Variants in FAM111B observed in about 807,000 individuals in gnomAD.
FAM111B encodes FAM111 trypsin like peptidase B, also known as serine protease FAM111B.
FAM111B carries 1 observed loss-of-function variant against 2.8 expected under a neutral mutation model. The observed-to-expected ratio is 0.36, with a 90% CI of 0.13 to 1.70. FAM111B has a LOEUF of 1.70. FAM111B is among the 40% of genes most tolerant of loss of function. The pLI is 0.35. For missense variants in FAM111B, 882 were observed against 878.9 expected, an observed-to-expected ratio of 1.00 and a Z score of -0.04; for synonymous variants, 297 against 295.6, an observed-to-expected ratio of 1.00 and a Z score of -0.05.
Position 59,108,691 on chromosome 11 carries a change from C to A in FAM111B, c.-108C>A, listed in dbSNP as rs886222027. ...AGGGGGAAATCCAGTCCCTGTTACT[C>A]CATTTTGGCCAGAAATTCAAGGTAA... On this transcript the variant is annotated 5_prime_UTR_variant, in exon 2 of 4. Transcript: ENST00000343597. The A allele has an allele frequency of 6.6e-6, 1 of 152,478 alleles. No individual in the cohort carries two copies. Among genetic ancestry groups the A allele is most frequent in the Non-Finnish European group, 1.5e-5 (1 of 68,256 alleles). The allele number at this position is 152,478 out of a possible 1,614,324, so 9.4% of individuals were successfully genotyped here. A position where few individuals can be genotyped will look rare whatever the true frequency, so the allele number is the denominator to read the frequency against.
chr11:59,110,610 G>T (rs1430410731), intron 3 of FAM111B, among the ~76,000 whole-genome samples: 4 of 152,126 alleles, frequency 2.6e-5, no homozygotes, highest in Non-Finnish European at 4.4e-5. Context: ...TAGGTTGATG[G>T]CATAGATTGT....
intron 3 of FAM111B, among the ~76,000 whole-genome samples, chr11:59,118,177 C>G (rs181459262): frequency 1.3e-5 from 2 of 152,194 alleles, no homozygotes; most frequent in African/African-American, 2.4e-5. Flanking sequence ...AAGGAGGAGC[C>G]TCTGATCCTT....
rs1236701257 is a variant in FAM111B at position 59,126,104 on chromosome 11, T to A, written c.2007T>A (p.Leu669=). 2 of 1,613,542 alleles carry A rather than the reference T, an allele frequency of 1.2e-6. No homozygotes were observed. Among genetic ancestry groups the A allele is most frequent in the South Asian group, 1.1e-5 (1 of 91,002 alleles). The part of the protein sequence containing the change: ...GKLVALHTFG[L]FYQRGFNVHA... ...TGGTTGCTTTGCATACCTTTGGGCTTTTTTATCAACGAGGATTTAATGTGC... is the reference window on the plus strand; with the variant it reads ...TGGTTGCTTTGCATACCTTTGGGCTATTTTATCAACGAGGATTTAATGTGC... The change falls in exon 4 of 4, where the codon CTT becomes CTA. Residue 669 remains leucine (L), a synonymous_variant. Transcript: ENST00000343597.
chr11:59,110,678 A>G (rs2135395404), intron 3 of FAM111B, among the ~76,000 whole-genome samples: 1 of 152,324 alleles, frequency 6.6e-6, no homozygotes, highest in East Asian at 1.9e-4. Context: ...TACATTAATT[A>G]TGCATTTTGT....
In FAM111B at chr11:59,108,662, T is replaced by C. The variant is rs901650899; in HGVS notation, c.-131-6T>C. On this transcript the variant is annotated splice_polypyrimidine_tract_variant and splice_region_variant and intron_variant, in intron 1 of 3. Transcript: ENST00000343597. The stretch of plus-strand genomic sequence containing the variant: ...TCTTTTTTGTTTTGTTTTGTTTTCA[T>C]ACTAGGGGGAAATCCAGTCCCTGTT... 2 of 152,810 alleles carry C rather than the reference T, an allele frequency of 1.3e-5. No individual in the cohort carries two copies. The highest frequency in any genetic ancestry group is 2.4e-5 in the African/African-American group (1 of 41,466). The allele number at this position is 152,810 out of a possible 1,614,324, so 9.5% of individuals were successfully genotyped here.
At position 59,126,068 on chromosome 11, in the gene FAM111B, A is replaced by G. The variant is rs753344023; in HGVS notation, c.1971A>G (p.Ala657=). The change falls in exon 4 of 4, where the codon GCA becomes GCG. Residue 657 remains alanine (A), a synonymous_variant. Transcript: ENST00000343597. ...CCTCAGGCTCCCCAGTGTTTAATGC[A>G]TCTGGCAAATTGGTTGCTTTGCATA... is the stretch of plus-strand genomic sequence containing the variant. ...DGSSGSPVFN[A]SGKLVALHTF... 3.3e-5 allele frequency: 54 copies of G among 1,613,736 alleles called. No homozygotes were observed. Among genetic ancestry groups the G allele is most frequent in the South Asian group, 1.9e-4 (17 of 91,066 alleles).
chr11:59,121,760 A>C (rs1859926272), intron 3 of FAM111B, among the ~76,000 whole-genome samples: 1 of 152,242 alleles, frequency 6.6e-6, no homozygotes, highest in Non-Finnish European at 1.5e-5. Context: ...AACCCCAGAA[A>C]TAACAGAAAT....
At chr11:59,107,401 A>T (rs1336953679) in intron 1 of FAM111B, 105 bp downstream of exon 1, 3 of 152,806 alleles carry the variant, frequency 2.0e-5, no homozygotes, top group Admixed American at 2.0e-4. Flanking sequence ...GGGGTTTTGG[A>T]TGGGGAGCTG....
Position 59,125,024 on chromosome 11 carries a change from G to A in FAM111B, c.927G>A (p.Lys309=). 1.2e-6 allele frequency: 2 copies of A among 1,612,576 alleles called. No homozygotes were observed. The highest frequency in any genetic ancestry group is 8.5e-7 in the Non-Finnish European group (1 of 1,179,672). Residue 309 remains lysine, a synonymous_variant, in exon 4 of 4, where the codon AAG becomes AAA. Coordinates refer to ENST00000343597, the MANE Select transcript of FAM111B (RefSeq NM_198947.4). ...CTAAGAAAAAAGTCCACAAACCAAA[G>A]AAAGATGGAGAGACCAAAGATGTAG... The part of the protein sequence containing the change: ...IQSKKKVHKP[K]KDGETKDVEH...
Position 59,124,861 on chromosome 11 carries a change from T to C in FAM111B, c.764T>C (p.Met255Thr), listed in dbSNP as rs1214075374. 6 of 1,612,968 alleles carry C rather than the reference T, an allele frequency of 3.7e-6. No homozygotes were observed. Among genetic ancestry groups the C allele is most frequent in the East Asian group, 2.2e-5 (1 of 44,858 alleles). ...AAGAAAATTTATGGAAAACAGTCCA[T>C]GGTGGATGAAGTATCTGGAAAAGTC... is the stretch of plus-strand genomic sequence containing the variant. ...GHKKIYGKQSMVDEVSGKVLE... is the reference protein window; with the variant it reads ...GHKKIYGKQSTVDEVSGKVLE... The change falls in exon 4 of 4, where the codon ATG (methionine) becomes ACG (threonine). Residue 255 changes from methionine to threonine, a missense_variant. Physicochemically the swap from Met to Thr is moderately conservative, Grantham distance 81 (BLOSUM62 -1). Coordinates refer to ENST00000343597, the MANE Select transcript of FAM111B (RefSeq NM_198947.4).
At chr11:59,117,857 T>G (rs1565188341) in intron 3 of FAM111B, among the ~76,000 whole-genome samples, 1 of 152,120 alleles carries the variant, frequency 6.6e-6, no homozygotes, top group African/African-American at 2.4e-5. Flanking sequence ...AAAGAAAAAC[T>G]TAGTAAAAAC....
At chr11:59,112,664 A>T (rs1859778135) in intron 3 of FAM111B, among the ~76,000 whole-genome samples, 1 of 152,198 alleles carries the variant, frequency 6.6e-6, no homozygotes, top group Non-Finnish European at 1.5e-5. Flanking sequence ...ATTCTTGTCA[A>T]CACAAAGTTT....
intron 3 of FAM111B, among the ~76,000 whole-genome samples, chr11:59,116,420 T>C (rs1859841704): frequency 6.6e-6 from 1 of 152,152 alleles, no homozygotes; most frequent in African/African-American, 2.4e-5. Flanking sequence ...TTCTAGACAC[T>C]CCCCTCCTGG....
At chr11:59,109,886 A>G in intron 3 of FAM111B, 180 bp downstream of exon 3, 1 of 391,046 alleles carries the variant, frequency 2.6e-6, no homozygotes, top group South Asian at 7.4e-5. Context: ...GATAGAGTTA[A>G]CAATGCTAAA....
At chr11:59,116,838 C>G (rs1292905798) in intron 3 of FAM111B, among the ~76,000 whole-genome samples, 1 of 152,230 alleles carries the variant, frequency 6.6e-6, no homozygotes, top group Non-Finnish European at 1.5e-5. Context: ...GTGGCAAGAA[C>G]TCAGACCCAG....
intron 3 of FAM111B, among the ~76,000 whole-genome samples, chr11:59,115,485 T>A (rs1201811405): frequency 6.6e-6 from 1 of 152,198 alleles, no homozygotes. Context: ...CAATAGAAAT[T>A]GACACAAGGC....
chr11:59,119,669 T>C (rs969471069), intron 3 of FAM111B, among the ~76,000 whole-genome samples: 3 of 152,222 alleles, frequency 2.0e-5, no homozygotes, highest in African/African-American at 7.2e-5. Flanking sequence ...AGAAGTTTTC[T>C]TAGCCAGATT....
chr11:59,113,622 A>G (rs956505110), intron 3 of FAM111B, among the ~76,000 whole-genome samples: 4 of 152,112 alleles, frequency 2.6e-5, no homozygotes, highest in African/African-American at 9.7e-5. Flanking sequence ...AACTCCTCAA[A>G]AGAGAAACCT....
chr11:59,125,766 T>C lies in FAM111B; in HGVS notation c.1669T>C (p.Phe557Leu), dbSNP rs1245638741. ...AAAACTAAAAGAAAATGGAAATGCGTTTCCTCCAGGACTATGGCGACAGAT... is the reference window on the plus strand; with the variant it reads ...AAAACTAAAAGAAAATGGAAATGCGCTTCCTCCAGGACTATGGCGACAGAT... ...ILKLKENGNA[F>L]PPGLWRQISP... is the part of the protein sequence containing the mutation. The change falls in exon 4 of 4, where the codon TTT becomes CTT. Residue 557 changes from phenylalanine to leucine, a missense_variant. Phe to Leu is a conservative substitution (Grantham distance 22). Transcript: ENST00000343597. 6.2e-7 allele frequency: 1 copy of C among 1,613,712 alleles called. No individual in the cohort carries two copies. Among genetic ancestry groups the C allele is most frequent in the African/African-American group, 1.3e-5 (1 of 74,898 alleles).
Sources: allele counts gnomAD v4.1 joint callset (sites outside exome capture counted in the v4.1 genomes callset), GRCh38; gene constraint gnomAD v4.1.1; transcripts MANE v1.5; gene names NCBI Gene and HGNC (gene_info 2026-07-23, HGNC 2026-07-21).